MARK2: variants seen among roughly 807,000 people sequenced by gnomAD.
MARK2 encodes the protein microtubule affinity regulating kinase 2.
Under a neutral mutation model 89.8 loss-of-function variants are expected in MARK2, and 16 were observed. The observed-to-expected ratio is 0.18, with a 90% CI of 0.12 to 0.27. The LOEUF is 0.27. Among genes scored for constraint, MARK2 ranks in the 10% least tolerant of loss-of-function variants. MARK2 has a pLI of 1.00. For synonymous variants in MARK2, 382 were observed against 399.5 expected (o/e 0.96, Z 0.52); for missense variants, 621 against 1,049.9 (o/e 0.59, Z 5.65).
At chr11:63,906,053 T>C in intron 16 of MARK2, 35 bp from the exon 17 acceptor site, 1 of 1,356,994 alleles carries the variant, frequency 7.4e-7, no homozygotes, top group Non-Finnish European at 9.5e-7. Context: ...TTTATTTCTT[T>C]TTTTATTTTG....
chr11:63,892,159 G>A (rs992982565), intron 1 of MARK2, among the ~76,000 whole-genome samples: 3 of 152,068 alleles, frequency 2.0e-5, no homozygotes, highest in Admixed American at 2.0e-4. Flanking sequence ...GAAGAGAGAA[G>A]GAAGTTAAAA....
At chr11:63,887,586 G>C (rs1939478462) in intron 1 of MARK2, among the ~76,000 whole-genome samples, 2 of 152,202 alleles carry the variant, frequency 1.3e-5, no homozygotes, top group African/African-American at 4.8e-5. Flanking sequence ...TTCCCTAGAG[G>C]GTTAATGGCT....
At position 63,904,090 on chromosome 11, in the gene MARK2, C is replaced by A; in HGVS notation, c.1619C>A (p.Pro540His). The A allele has an allele frequency of 6.2e-7, 1 of 1,604,524 alleles. No individual in the cohort carries two copies. The highest frequency in any genetic ancestry group is 2.2e-5 in the East Asian group (1 of 44,774). ...HQKSMSASVH[P>H]NKASGLPPTE... ...AAATCCATGTCGGCCTCCGTGCACC[C>A]CAACAAGGCCTCTGGGCTGCCCCCC... is the stretch of plus-strand genomic sequence containing the variant. Residue 540 changes from proline (P) to histidine (H), a missense_variant, in exon 15 of 19, where the codon CCC becomes CAC. Physicochemically the swap from Pro to His is moderately conservative, Grantham distance 77. This residue lies in a region of MARK2 where 397 missense variants were observed against 567.8 expected (regional missense o/e 0.70). Transcript: ENST00000402010. This position sits in a 1 kb window ranked among gnomAD's most constrained non-coding sequence, Gnocchi z 6.3.
At chr11:63,863,072 T>C (rs982637986) in intron 1 of MARK2, among the ~76,000 whole-genome samples, 3 of 152,212 alleles carry the variant, frequency 2.0e-5, no homozygotes, top group African/African-American at 7.2e-5. Flanking sequence ...TGTGTGTGTT[T>C]AGGACTTGCC....
At chr11:63,843,625 A>T (rs898497728) in intron 1 of MARK2, among the ~76,000 whole-genome samples, 14 of 151,892 alleles carry the variant, frequency 9.2e-5, no homozygotes, top group Non-Finnish European at 1.3e-4. Context: ...ATATATATAT[A>T]AAACTCTTTT....
rs550003313 is a variant in MARK2, at chr11:63,904,642, C to T, written c.1677-144C>T. On this transcript the variant is annotated intron_variant, in intron 15 of 18. Coordinates refer to ENST00000402010, the MANE Select transcript of MARK2 (RefSeq NM_001039469.3). This position sits in a 1 kb window ranked among gnomAD's most constrained non-coding sequence, Gnocchi z 6.3. ...CCTTCTCACCACTGTCCTCAGTAGT[C>T]ACACCCTTCCTTCTGTGTCCTCGTG... 2 of 710,856 alleles carry T rather than the reference C, an allele frequency of 2.8e-6. No homozygotes were observed. Among genetic ancestry groups the T allele is most frequent in the East Asian group, 5.0e-5 (2 of 39,654 alleles). The allele number at this position is 710,856 out of a possible 1,614,324, so 44.0% of individuals were successfully genotyped here. A position where few individuals can be genotyped will look rare whatever the true frequency, so the allele number is the denominator to read the frequency against.
intron 1 of MARK2, among the ~76,000 whole-genome samples, chr11:63,866,315 T>A (rs1440647053): frequency 6.6e-6 from 1 of 150,756 alleles, no homozygotes; most frequent in Non-Finnish European, 1.5e-5. Context: ...TTGTGCCACT[T>A]TACTCCAGCC....
At chr11:63,888,896 C>T in intron 1 of MARK2, 4 of 1,346,840 alleles carry the variant, frequency 3.0e-6, no homozygotes, top group Non-Finnish European at 3.9e-6. Context: ...CCCTCGCTGC[C>T]TGACAGGTTC....
At chr11:63,862,252 C>T (rs1937847925) in intron 1 of MARK2, among the ~76,000 whole-genome samples, 1 of 152,080 alleles carries the variant, frequency 6.6e-6, no homozygotes, top group East Asian at 1.9e-4. Context: ...GTTAGTAGAT[C>T]TCACTGTTTT....
intron 1 of MARK2, among the ~76,000 whole-genome samples, chr11:63,878,493 C>G (rs1938907426): frequency 6.6e-6 from 1 of 151,774 alleles, no homozygotes. Flanking sequence ...CCTCAGCCTC[C>G]CGAGTAGCTG....
chr11:63,902,113 A>G lies in MARK2; in HGVS notation c.1102-85A>G. ...TCCTGGGGTGTTTGAGTGTTGGGAG[A>G]GGGCGGTATGTGTAAATGTGTCCAT... On this transcript the variant is annotated intron_variant, in intron 11 of 18. Transcript: ENST00000402010. This position sits in a 1 kb window ranked among gnomAD's most constrained non-coding sequence, Gnocchi z 4.2. 1 of 1,462,584 alleles carries G rather than the reference A, an allele frequency of 6.8e-7. No homozygotes were observed. The highest frequency in any genetic ancestry group is 2.3e-5 in the East Asian group (1 of 43,022). 90.6% of individuals were successfully genotyped at this position (1,462,584 alleles called of 1,614,324 possible). A position where few individuals can be genotyped will look rare whatever the true frequency, so the allele number is the denominator to read the frequency against.
At chr11:63,839,697 T>C in intron 1 of MARK2, 137 bp downstream of exon 1, 1 of 648,360 alleles carries the variant, frequency 1.5e-6, no homozygotes, top group East Asian at 3.2e-5. Context: ...GGCTCCTGGC[T>C]CCGGCTCCGC....
chr11:63,856,749 C>A (rs532626133), intron 1 of MARK2, among the ~76,000 whole-genome samples: 46 of 127,992 alleles, frequency 3.6e-4, no homozygotes, highest in Middle Eastern at 4.5e-3. Context: ...TCATTTTTTT[C>A]CATTTTTAAA....
chr11:63,858,588 C>T (rs553387534), intron 1 of MARK2, among the ~76,000 whole-genome samples: 8 of 149,284 alleles, frequency 5.4e-5, no homozygotes, highest in African/African-American at 1.5e-4. Flanking sequence ...CTCCTGACCT[C>T]GTGATCCACC....
At chr11:63,895,511 G>A (rs897924848) in intron 2 of MARK2, 69 bp from the exon 3 acceptor site, 8 of 1,476,320 alleles carry the variant, frequency 5.4e-6, no homozygotes, top group Non-Finnish European at 7.6e-6. Context: ...TATAAAGGAG[G>A]AAGTAGATTG....
chr11:63,899,820 A>T, intron 7 of MARK2, 54 bp from the exon 8 acceptor site: 1 of 1,187,776 alleles, frequency 8.4e-7, no homozygotes, highest in Non-Finnish European at 1.3e-6. Flanking sequence ...CTTCCTGCCC[A>T]GGGCCTTAGT....
At chr11:63,901,823 A>AGCCTCCCTGCCCTGCTCTCCCT (rs1940916258) in intron 11 of MARK2, among the ~76,000 whole-genome samples, 1 of 151,690 alleles carries the variant, frequency 6.6e-6, no homozygotes, top group Non-Finnish European at 1.5e-5. Flanking sequence ...ATGAACTCCC[A>AGCCTCCCTGCCCTGCTCTCCCT]GCCTCCCTGC....
In MARK2 at chr11:63,895,620, C is replaced by G. The variant is rs1940312672; in HGVS notation, c.275C>G (p.Ser92Cys). Residue 92 changes from serine (S) to cysteine (C), a missense_variant, in exon 3 of 19, where the codon TCC (serine) becomes TGC (cysteine). Around this residue, in one of 5 missense-constraint regions of MARK2, gnomAD observed 82 missense variants for 287.7 expected, o/e 0.29. Transcript: ENST00000402010. ...ATTGACAAGACTCAACTGAACTCCT[C>G]CAGCCTCCAGAAAGTAAGCACATGG... ...KIIDKTQLNS[S>C]SLQKLFREVR... The G allele has an allele frequency of 6.2e-7, 1 of 1,611,206 alleles. No homozygotes were observed. Among genetic ancestry groups the G allele is most frequent in the Non-Finnish European group, 8.5e-7 (1 of 1,179,128 alleles).
chr11:63,890,941 A>G (rs1939799073), intron 1 of MARK2, among the ~76,000 whole-genome samples: 1 of 152,214 alleles, frequency 6.6e-6, no homozygotes, highest in East Asian at 1.9e-4. Context: ...CCTCCCTGGC[A>G]CAGATGTCTG....
Sources: gnomAD v4.1 joint callset for allele counts (sites outside exome capture counted in the v4.1 genomes callset) on GRCh38, gnomAD v4.1.1 for gene constraint, gnomAD v4.1.1 regional missense constraint, Gnocchi (gnomAD v3.1) non-coding constraint, MANE v1.5 for transcripts, NCBI Gene and HGNC (gene_info 2026-07-23, HGNC 2026-07-21) for gene names.